BEND6: variants seen among roughly 807,000 people sequenced by gnomAD.
The protein encoded by BEND6 is BEN domain-containing protein 6.
A neutral mutation model predicts 31.8 loss-of-function variants in BEND6; 24 were observed. That is an observed-to-expected ratio of 0.75 (90% CI 0.55 to 1.06). The LOEUF (loss-of-function observed/expected upper bound fraction) is 1.06. Ranked by LOEUF, BEND6 falls within the 50% of genes least tolerant of loss-of-function variation. BEND6 has a pLI of 0.00. For missense variants in BEND6, 294 were observed against 327.4 expected, an observed-to-expected ratio of 0.90 and a Z score of 0.79; for synonymous variants, 109 against 114.6, an observed-to-expected ratio of 0.95 and a Z score of 0.31.
intron 1 of BEND6, among the ~76,000 whole-genome samples, chr6:56,967,219 T>C (rs982119804): frequency 2.0e-5 from 3 of 152,120 alleles, no homozygotes; most frequent in Non-Finnish European, 4.4e-5. Flanking sequence ...CCACTAAAAT[T>C]AGGATGATTT....
At chr6:56,973,657 T>C (rs920306767) in intron 1 of BEND6, among the ~76,000 whole-genome samples, 2 of 152,214 alleles carry the variant, frequency 1.3e-5, no homozygotes, top group African/African-American at 4.8e-5. Flanking sequence ...GTGTATACAG[T>C]GTGGATACGC....
chr6:56,993,175 A>G (rs1826573777), intron 3 of BEND6, among the ~76,000 whole-genome samples: 1 of 152,244 alleles, frequency 6.6e-6, no homozygotes, highest in African/African-American at 2.4e-5. Flanking sequence ...TACTTGGCTT[A>G]ATGCCTTTTT....
intron 1 of BEND6, among the ~76,000 whole-genome samples, chr6:56,958,052 G>A (rs2127835836): frequency 6.6e-6 from 1 of 152,234 alleles, no homozygotes. Flanking sequence ...GGCCTCCCCA[G>A]CATTAGGGCA....
chr6:57,005,580 T>C (rs1169521476), intron 3 of BEND6, among the ~76,000 whole-genome samples: 2 of 151,358 alleles, frequency 1.3e-5, no homozygotes, highest in African/African-American at 4.9e-5. Context: ...CTTGGGAGGC[T>C]GAGGCGGGAG....
chr6:56,975,316 GT>G, intron 1 of BEND6, among the ~76,000 whole-genome samples: 1 of 152,044 alleles, frequency 6.6e-6, no homozygotes, highest in African/African-American at 2.4e-5. Flanking sequence ...TAGATATGGA[GT>G]ATATTTTCTT....
intron 5 of BEND6, among the ~76,000 whole-genome samples, 178 bp downstream of exon 5, chr6:57,017,577 T>G (rs1434326102): frequency 1.3e-5 from 2 of 152,204 alleles, no homozygotes; most frequent in Non-Finnish European, 2.9e-5. Context: ...AAACTTTACA[T>G]TAACAATGGT....
intron 1 of BEND6, among the ~76,000 whole-genome samples, chr6:56,959,871 A>AAT (rs1825227230): frequency 6.6e-6 from 1 of 152,154 alleles, no homozygotes; most frequent in Non-Finnish European, 1.5e-5. Flanking sequence ...TGTAGAGCCT[A>AAT]ATTAGGTTTT....
chr6:57,014,567 T>A, intron 3 of BEND6: 1 of 1,366,674 alleles, frequency 7.3e-7, no homozygotes, highest in Middle Eastern at 1.8e-4. Flanking sequence ...AAATATTCCA[T>A]TGATTACCAA....
chr6:56,992,254 C>G, intron 2 of BEND6, 124 bp from the exon 3 acceptor site: 1 of 1,090,382 alleles, frequency 9.2e-7, no homozygotes, highest in Non-Finnish European at 1.3e-6. Flanking sequence ...GGGGCTAGAT[C>G]AGCAGCAGGA....
At chr6:56,956,508 G>A (rs1448111162) in intron 1 of BEND6, among the ~76,000 whole-genome samples, 1 of 152,200 alleles carries the variant, frequency 6.6e-6, no homozygotes, top group African/African-American at 2.4e-5. Flanking sequence ...TCATAAGCAT[G>A]GAAAACAACA....
chr6:57,004,883 T>A, intron 3 of BEND6: 1 of 607,186 alleles, frequency 1.6e-6, no homozygotes, highest in Non-Finnish European at 3.0e-6. Context: ...CATGGTGGCA[T>A]GTGCCAGTAG....
intron 1 of BEND6, among the ~76,000 whole-genome samples, chr6:56,957,523 G>C (rs1313476844): frequency 6.6e-6 from 1 of 152,170 alleles, no homozygotes; most frequent in Non-Finnish European, 1.5e-5. Flanking sequence ...AATCAGCCAA[G>C]CAGTGCTTTT....
chr6:56,990,477 G>A (rs1043231991), intron 2 of BEND6, among the ~76,000 whole-genome samples: 5 of 151,906 alleles, frequency 3.3e-5, no homozygotes, highest in East Asian at 1.9e-4. Flanking sequence ...GAACTTCTGC[G>A]CTGAAGAGAT....
chr6:56,966,584 T>A (rs941590474), intron 1 of BEND6, among the ~76,000 whole-genome samples: 9 of 152,162 alleles, frequency 5.9e-5, no homozygotes, highest in Admixed American at 5.2e-4. Context: ...CCTGCAGGCT[T>A]TTTATTGACA....
chr6:56,985,784 G>A (rs774123831), intron 2 of BEND6, among the ~76,000 whole-genome samples: 55 of 152,080 alleles, frequency 3.6e-4, no homozygotes, highest in Non-Finnish European at 5.6e-4. Flanking sequence ...TTTTCTGTTC[G>A]TTTTCTTGGT....
At chr6:56,978,110 A>AC (rs1335855728) in intron 1 of BEND6, among the ~76,000 whole-genome samples, 104 of 147,528 alleles carry the variant, frequency 7.0e-4, no homozygotes, top group African/African-American at 2.3e-3. Context: ...ACAAAAACAA[A>AC]AAACAAAAAA....
chr6:56,996,329 C>G (rs1399833364), intron 3 of BEND6, among the ~76,000 whole-genome samples: 1 of 152,086 alleles, frequency 6.6e-6, no homozygotes, highest in Non-Finnish European at 1.5e-5. Flanking sequence ...TGCCTATGGT[C>G]CCAGCTACCC....
intron 6 of BEND6, 150 bp downstream of exon 6, chr6:57,018,707 G>A (rs2122956): frequency 1.2e-6 from 1 of 824,924 alleles, no homozygotes; most frequent in South Asian, 3.9e-5. Context: ...CAAAAGGGGA[G>A]AACTGGGAGT....
intron 2 of BEND6, 68 bp from the exon 3 acceptor site, chr6:56,992,310 G>T: frequency 6.7e-7 from 1 of 1,482,876 alleles, no homozygotes; most frequent in South Asian, 1.4e-5. Flanking sequence ...AACATGCAAT[G>T]GTTAACCAGA....
Sources: gnomAD v4.1 joint callset for allele counts (sites outside exome capture counted in the v4.1 genomes callset) on GRCh38, gnomAD v4.1.1 for gene constraint, MANE v1.5 for transcripts, NCBI Gene and HGNC (gene_info 2026-07-23, HGNC 2026-07-21) for gene names.